Variants in DCAF12 observed in about 807,000 individuals in gnomAD.
DCAF12 encodes the protein DDB1 and CUL4 associated factor 12, also known as DDB1- and CUL4-associated factor 12.
DCAF12 carries 28 observed loss-of-function variants against 52.8 expected under a neutral mutation model. That is an observed-to-expected ratio of 0.53 (90% CI 0.39 to 0.73). DCAF12 has a LOEUF of 0.73. DCAF12 is among the 30% of genes least tolerant of loss of function. The pLI, the probability that DCAF12 is intolerant of heterozygous loss-of-function variation, is 0.00. For synonymous variants in DCAF12, 196 were observed against 215.5 expected, an observed-to-expected ratio of 0.91 and a Z score of 0.79; for missense variants, 425 against 552.2, an observed-to-expected ratio of 0.77 and a Z score of 2.31.
In DCAF12 at chr9:34,108,808, A is replaced by AT. The variant is rs1554700892; in HGVS notation, c.334-1244_334-1243insA. 2.4e-3 allele frequency among the ~76,000 whole-genome samples: 272 copies of AT among 115,356 alleles called. 1 individual carries two copies. The highest frequency in any genetic ancestry group is 9.6e-3 in the Middle Eastern group (2 of 208). 75.7% of individuals were successfully genotyped at this position (115,356 alleles called of 152,430 possible). ...GACTTGGTCTCAAAAAAAATAAATA[A>AT]ATAAATATATATATATATATATGAA... is the stretch of plus-strand genomic sequence containing the variant. On this transcript the variant is annotated intron_variant, in intron 2 of 8. Transcript: ENST00000361264.
intron 2 of DCAF12, among the ~76,000 whole-genome samples, chr9:34,115,156 TTGGGAAAGGA>T (rs1382100718): frequency 2.0e-5 from 3 of 150,260 alleles, no homozygotes; most frequent in Admixed American, 2.0e-4. Flanking sequence ...TGTGGAGAGG[TTGGGAAAGGA>T]AAGACAAGTG....
rs746261139 is a variant in DCAF12, at chr9:34,089,553, A to G, written c.1062T>C (p.Thr354=). The G allele has an allele frequency of 6.2e-7, 1 of 1,612,012 alleles. No homozygotes were observed. The highest frequency in any genetic ancestry group is 1.1e-5 in the South Asian group (1 of 90,850). ...GCAGGGAGCCCTGCCCTGTTCCCAC[A>G]GTGATGATGTGCTCGTAGAAACTCA... ...RSVSFYEHII[T]VGTGQGSLLF... Residue 354 remains threonine (T), a synonymous_variant, in exon 8 of 9, where the codon ACT becomes ACC. Coordinates refer to ENST00000361264, the MANE Select transcript of DCAF12 (RefSeq NM_015397.4).
intron 2 of DCAF12, among the ~76,000 whole-genome samples, chr9:34,112,322 G>A (rs750061408): frequency 4.5e-4 from 69 of 152,268 alleles, no homozygotes; most frequent in South Asian, 8.3e-4. Context: ...CAGGCTGAGC[G>A]TGGTGGTTCA....
rs778579395 is a variant in DCAF12 at position 34,098,361 on chromosome 9, C to T, written c.758G>A (p.Cys253Tyr). The change falls in exon 5 of 9, where the codon TGC (cysteine) becomes TAC (tyrosine). Residue 253 changes from cysteine to tyrosine, a missense_variant. By Grantham distance (194) the Cys-to-Tyr change is radical (BLOSUM62 -2). This residue lies in a region of DCAF12 where 328 missense variants were observed against 444.4 expected (regional missense o/e 0.74). Coordinates refer to ENST00000361264, the MANE Select transcript of DCAF12 (RefSeq NM_015397.4). ...IPKEDTNPDNCKVRALAFNNK... is the reference protein window; with the variant it reads ...IPKEDTNPDNYKVRALAFNNK... The stretch of plus-strand genomic sequence containing the variant: ...GTTGAAGGCCAGAGCCCGAACCTTG[C>T]AGTTGTCAGGGTTTGTGTCTTCTTT... 63 of 1,614,082 alleles carry T rather than the reference C, an allele frequency of 3.9e-5. No individual in the cohort carries two copies. Among genetic ancestry groups the T allele is most frequent in the Non-Finnish European group, 5.2e-5 (61 of 1,180,032 alleles).
intron 7 of DCAF12, chr9:34,090,044 C>T (rs1828620080): frequency 6.5e-6 from 1 of 153,050 alleles, no homozygotes; most frequent in Admixed American, 6.5e-5. Flanking sequence ...CCTAAAACCA[C>T]TACTGTGGCA....
intron 2 of DCAF12, among the ~76,000 whole-genome samples, chr9:34,111,779 A>T (rs1430438720): frequency 6.6e-6 from 1 of 152,148 alleles, no homozygotes; most frequent in Non-Finnish European, 1.5e-5. Flanking sequence ...GTGGCACTAG[A>T]CCAAACCGCC....
intron 4 of DCAF12, among the ~76,000 whole-genome samples, chr9:34,100,240 C>A (rs1828805635): frequency 6.7e-6 from 1 of 149,442 alleles, no homozygotes; most frequent in Non-Finnish European, 1.5e-5. Flanking sequence ...ACACTGTCGC[C>A]CAGGCTGGAG....
At chr9:34,115,564 A>G (rs188215974) in intron 2 of DCAF12, among the ~76,000 whole-genome samples, 5 of 147,650 alleles carry the variant, frequency 3.4e-5, no homozygotes, top group Middle Eastern at 3.5e-3. Flanking sequence ...GCGCCACCGC[A>G]CTCCAGCCTG....
intron 4 of DCAF12, among the ~76,000 whole-genome samples, chr9:34,103,253 A>G (rs1828858244): frequency 6.6e-6 from 1 of 151,756 alleles, no homozygotes; most frequent in Non-Finnish European, 1.5e-5. Flanking sequence ...TACTAAAAAG[A>G]CAAACCAGCC....
chr9:34,108,987 T>C (rs1417925506), intron 2 of DCAF12, among the ~76,000 whole-genome samples: 1 of 10,970 alleles, frequency 9.1e-5, no homozygotes, highest in Admixed American at 1.3e-3. Flanking sequence ...TATGTTTTTA[T>C]ATATATATAT....
chr9:34,121,601 C>T (rs1319012670), intron 2 of DCAF12, among the ~76,000 whole-genome samples: 2 of 151,460 alleles, frequency 1.3e-5, no homozygotes, highest in South Asian at 2.1e-4. Context: ...ATCACTCTGC[C>T]GATTGCCATC....
intron 4 of DCAF12, among the ~76,000 whole-genome samples, chr9:34,100,637 G>A (rs928352775): frequency 2.0e-4 from 31 of 151,588 alleles, no homozygotes; most frequent in African/African-American, 7.3e-4. Context: ...TGTGACTACA[G>A]GCACACCCTA....
At chr9:34,093,502 G>T in intron 6 of DCAF12, 54 bp from the exon 7 acceptor site, 2 of 1,592,380 alleles carry the variant, frequency 1.3e-6, no homozygotes, top group South Asian at 1.1e-5. Context: ...GTAAGGCAGG[G>T]ATATTGTTTC....
At chr9:34,093,964 G>A (rs970348352) in intron 6 of DCAF12, among the ~76,000 whole-genome samples, 1 of 152,184 alleles carries the variant, frequency 6.6e-6, no homozygotes, top group Admixed American at 6.5e-5. Context: ...CTTAACCCTG[G>A]GTCTTCGTCA....
chr9:34,112,214 C>G (rs1587738865), intron 2 of DCAF12, among the ~76,000 whole-genome samples: 1 of 151,736 alleles, frequency 6.6e-6, no homozygotes, highest in South Asian at 2.1e-4. Context: ...GTTTCCACTT[C>G]TCTCTGAGAT....
chr9:34,098,661 A>T (rs1015871316), intron 4 of DCAF12, 144 bp from the exon 5 acceptor site: 20 of 708,366 alleles, frequency 2.8e-5, no homozygotes, highest in Non-Finnish European at 3.2e-5. Flanking sequence ...CCCACCCTAA[A>T]CACAGAGCAG....
chr9:34,099,217 G>A (rs1243250640), intron 4 of DCAF12, among the ~76,000 whole-genome samples: 1 of 151,922 alleles, frequency 6.6e-6, no homozygotes, highest in Admixed American at 6.6e-5. Context: ...ACAGGCGCAT[G>A]CTACCATGCC....
chr9:34,124,493 C>T (rs947458858), intron 2 of DCAF12, among the ~76,000 whole-genome samples: 2 of 152,060 alleles, frequency 1.3e-5, no homozygotes, highest in East Asian at 3.8e-4. Flanking sequence ...ATGCTTATAC[C>T]CTGAAATATA....
chr9:34,110,800 A>ACAAAT (rs1156710162), intron 2 of DCAF12, among the ~76,000 whole-genome samples: 18 of 151,554 alleles, frequency 1.2e-4, no homozygotes, highest in African/African-American at 4.4e-4. Flanking sequence ...ACAAAACAAA[A>ACAAAT]CAAAACAAAA....
Sources: allele counts gnomAD v4.1 joint callset (sites outside exome capture counted in the v4.1 genomes callset), GRCh38; gene constraint gnomAD v4.1.1; regional missense constraint gnomAD v4.1.1; transcripts MANE v1.5; gene names NCBI Gene and HGNC (gene_info 2026-07-23, HGNC 2026-07-21).